ALCAM: variants seen among roughly 807,000 people sequenced by gnomAD.
The protein encoded by ALCAM is CD166 antigen.
In ALCAM, 30 loss-of-function variants were observed where a neutral mutation model predicts 70.9. That is an observed-to-expected ratio of 0.42 (90% CI 0.32 to 0.57). The LOEUF (loss-of-function observed/expected upper bound fraction) is 0.57. Among genes scored for constraint, ALCAM ranks in the 20% least tolerant of loss-of-function variants. The pLI, the probability that ALCAM is intolerant of heterozygous loss-of-function variation, is 0.11. For synonymous variants in ALCAM, 249 were observed against 242.5 expected (o/e 1.03, Z -0.25); for missense variants, 591 against 695.1 (o/e 0.85, Z 1.68).
intron 1 of ALCAM, among the ~76,000 whole-genome samples, chr3:105,413,652 T>A (rs946075651): frequency 3.9e-5 from 6 of 152,164 alleles, no homozygotes; most frequent in African/African-American, 1.4e-4. Flanking sequence ...GAAGTACAGA[T>A]GTAACAATGT....
intron 1 of ALCAM, among the ~76,000 whole-genome samples, chr3:105,519,448 T>C (rs1273888430): frequency 2.0e-5 from 3 of 152,084 alleles, no homozygotes; most frequent in Non-Finnish European, 4.4e-5. Flanking sequence ...ATGTTCATAC[T>C]ATAAATTCTT....
intron 1 of ALCAM, among the ~76,000 whole-genome samples, chr3:105,403,744 A>C (rs985104269): frequency 2.0e-5 from 3 of 152,000 alleles, no homozygotes; most frequent in Non-Finnish European, 4.4e-5. Flanking sequence ...AAATTCTCTG[A>C]ATTGCCAGAA....
At chr3:105,381,536 A>G (rs1407436069) in intron 1 of ALCAM, among the ~76,000 whole-genome samples, 1 of 151,996 alleles carries the variant, frequency 6.6e-6, no homozygotes, top group Non-Finnish European at 1.5e-5. Context: ...CTGTTAATGA[A>G]ACATCATTGC....
intron 1 of ALCAM, among the ~76,000 whole-genome samples, chr3:105,433,411 TC>T (rs1251598843): frequency 6.6e-6 from 1 of 152,170 alleles, no homozygotes; most frequent in African/African-American, 2.4e-5. Context: ...ACTAAATTCT[TC>T]CTTTACTTCT....
intron 1 of ALCAM, among the ~76,000 whole-genome samples, chr3:105,410,299 C>A (rs554669436): frequency 6.6e-6 from 1 of 151,934 alleles, no homozygotes; most frequent in Non-Finnish European, 1.5e-5. Context: ...ACCTTAATAA[C>A]CACAAAGACA....
intron 1 of ALCAM, among the ~76,000 whole-genome samples, chr3:105,499,165 C>G (rs1251107328): frequency 6.6e-6 from 1 of 152,026 alleles, no homozygotes; most frequent in African/African-American, 2.4e-5. Flanking sequence ...ACTGTAAAAA[C>G]CCAAGCAAAG....
intron 1 of ALCAM, among the ~76,000 whole-genome samples, chr3:105,487,269 C>A (rs947762826): frequency 6.6e-6 from 1 of 152,040 alleles, no homozygotes; most frequent in Non-Finnish European, 1.5e-5. Context: ...GAGAGTTATG[C>A]CCAAGGGAGA....
At chr3:105,567,906 G>A (rs1253433232) in intron 14 of ALCAM, among the ~76,000 whole-genome samples, 1 of 151,998 alleles carries the variant, frequency 6.6e-6, no homozygotes, top group Non-Finnish European at 1.5e-5. Context: ...TAAAGGATAT[G>A]AGTTGCTTTT....
chr3:105,379,750 G>T (rs1251040903), intron 1 of ALCAM, among the ~76,000 whole-genome samples: 1 of 151,658 alleles, frequency 6.6e-6, no homozygotes, highest in Admixed American at 6.6e-5. Flanking sequence ...ATTTTCCAAT[G>T]ACCTCTAATT....
chr3:105,429,135 C>G (rs1936865068), intron 1 of ALCAM, among the ~76,000 whole-genome samples: 1 of 151,922 alleles, frequency 6.6e-6, no homozygotes, highest in African/African-American at 2.4e-5. Flanking sequence ...TGCAAAAAAT[C>G]TATTTTGCTT....
At chr3:105,566,832 T>G (rs1940753268) in intron 14 of ALCAM, among the ~76,000 whole-genome samples, 1 of 152,216 alleles carries the variant, frequency 6.6e-6, no homozygotes, top group East Asian at 1.9e-4. Context: ...TTAAAATATT[T>G]TACATATCTA....
chr3:105,463,913 A>T (rs975595301), intron 1 of ALCAM, among the ~76,000 whole-genome samples: 1 of 151,494 alleles, frequency 6.6e-6, no homozygotes, highest in African/African-American at 2.4e-5. Flanking sequence ...GACAATTTAT[A>T]AAACTTGCAT....
At chr3:105,459,292 A>G (rs145275077) in intron 1 of ALCAM, among the ~76,000 whole-genome samples, 104 of 152,210 alleles carry the variant, frequency 6.8e-4, no homozygotes, top group African/African-American at 2.4e-3. Flanking sequence ...ATCCTTAGGC[A>G]GAGATAGAGA....
chr3:105,544,879 GTCA>G, intron 8 of ALCAM: 1 of 264,100 alleles, frequency 3.8e-6, no homozygotes, highest in Admixed American at 5.1e-5. Flanking sequence ...TATTTACCTA[GTCA>G]TCATCTTTAT....
intron 3 of ALCAM, among the ~76,000 whole-genome samples, chr3:105,526,915 TG>T (rs941692289): frequency 6.6e-5 from 10 of 152,186 alleles, no homozygotes; most frequent in African/African-American, 2.4e-4. Flanking sequence ...GTGTGGTTAA[TG>T]GGAGCCAGTC....
intron 1 of ALCAM, among the ~76,000 whole-genome samples, chr3:105,464,479 A>G (rs1349293700): frequency 6.6e-6 from 1 of 151,326 alleles, no homozygotes; most frequent in Non-Finnish European, 1.5e-5. Flanking sequence ...TCAGGAGCCT[A>G]GTTTTTCCTT....
intron 14 of ALCAM, among the ~76,000 whole-genome samples, chr3:105,563,676 T>G (rs1415783095): frequency 1.5e-5 from 1 of 68,438 alleles, no homozygotes; most frequent in Non-Finnish European, 2.9e-5. Context: ...TCTTTTTTTT[T>G]TTTTTTTTTT....
intron 1 of ALCAM, among the ~76,000 whole-genome samples, chr3:105,397,346 A>G (rs930561045): frequency 3.3e-5 from 5 of 151,996 alleles, no homozygotes; most frequent in African/African-American, 1.2e-4. Context: ...TATGAAGTAA[A>G]CTTAGTCAAA....
intron 1 of ALCAM, among the ~76,000 whole-genome samples, chr3:105,474,743 G>T (rs1005581745): frequency 6.6e-6 from 1 of 151,624 alleles, no homozygotes; most frequent in African/African-American, 2.4e-5. Flanking sequence ...CATTGACAAT[G>T]AACATACTAT....
Sources: gnomAD v4.1 joint callset for allele counts (sites outside exome capture counted in the v4.1 genomes callset) on GRCh38, gnomAD v4.1.1 for gene constraint, MANE v1.5 for transcripts, NCBI Gene and HGNC (gene_info 2026-07-23, HGNC 2026-07-21) for gene names.